The following CEP120 variants were observed in gnomAD, a reference collection of about 807,000 sequenced individuals.
CEP120 encodes centrosomal protein of 120 kDa.
CEP120 carries 113 observed loss-of-function variants against 126.5 expected under a neutral mutation model. That is an observed-to-expected ratio of 0.89 (90% CI 0.77 to 1.04). The LOEUF (loss-of-function observed/expected upper bound fraction) is 1.04. Ranked by LOEUF, CEP120 falls within the 50% of genes least tolerant of loss-of-function variation. CEP120 has a pLI of 0.00. For missense variants in CEP120, 1,230 were observed against 1,155.7 expected (o/e 1.06, Z -0.93); for synonymous variants, 400 against 394.3 (o/e 1.01, Z -0.17).
chr5:123,411,728 G>A (rs993427267), intron 4 of CEP120, among the ~76,000 whole-genome samples: 1 of 152,170 alleles, frequency 6.6e-6, no homozygotes, highest in African/African-American at 2.4e-5. Flanking sequence ...TGATTTTTAG[G>A]GTGGTGAAAC....
At chr5:123,355,544 G>A (rs1769534447) in intron 18 of CEP120, among the ~76,000 whole-genome samples, 1 of 152,176 alleles carries the variant, frequency 6.6e-6, no homozygotes, top group African/African-American at 2.4e-5. Flanking sequence ...CAGTGATGAT[G>A]AGCATTTTTT....
chr5:123,412,330 C>G (rs1774110604), intron 4 of CEP120, 69 bp downstream of exon 4: 1 of 1,491,140 alleles, frequency 6.7e-7, no homozygotes, highest in African/African-American at 1.4e-5. Flanking sequence ...CTATAACACT[C>G]CCGCTTCCTA....
chr5:123,416,626 AT>A (rs1580745119), intron 2 of CEP120, among the ~76,000 whole-genome samples: 1 of 152,050 alleles, frequency 6.6e-6, no homozygotes, highest in Admixed American at 6.6e-5. Flanking sequence ...ACTATTAATT[AT>A]ATCTACTAAC....
chr5:123,382,325 TAAAA>T (rs200376887), intron 13 of CEP120, 125 bp from the exon 14 acceptor site: 500 of 219,232 alleles, frequency 2.3e-3, no homozygotes, highest in Middle Eastern at 6.9e-3. Flanking sequence ...TTTTTTATTC[TAAAA>T]AAAAAAAAAA....
rs779532947 is a variant in CEP120 at position 123,418,532 on chromosome 5, T to C, written c.50-17A>G. The C allele has an allele frequency of 3.2e-6, 5 of 1,563,990 alleles. No homozygotes were observed. In the Admixed American group the frequency reaches 9.2e-5, roughly 29 times the overall value. On this transcript the variant is annotated splice_polypyrimidine_tract_variant and intron_variant, in intron 1 of 19. Coordinates refer to ENST00000306467, the MANE Select transcript of CEP120 (RefSeq NM_001375405.1). ...AATGCCGACCTGGAGAAACAGAATA[T>C]ATAGATTAATCAAAAGTGTACAAAA...
chr5:123,409,886 G>A (rs1450346669), intron 4 of CEP120, among the ~76,000 whole-genome samples: 1 of 151,126 alleles, frequency 6.6e-6, no homozygotes, highest in African/African-American at 2.4e-5. Flanking sequence ...GAACCTGGGA[G>A]TCGGGGCTGT....
At chr5:123,378,790 C>T (rs1238973602) in intron 14 of CEP120, among the ~76,000 whole-genome samples, 2 of 151,718 alleles carry the variant, frequency 1.3e-5, no homozygotes, top group Non-Finnish European at 2.9e-5. Flanking sequence ...ACTAAATAGC[C>T]AAGTGTGGAG....
chr5:123,386,059 G>A (rs1772000227), intron 10 of CEP120, among the ~76,000 whole-genome samples: 1 of 152,042 alleles, frequency 6.6e-6, no homozygotes, highest in African/African-American at 2.4e-5. Flanking sequence ...GTGTTTCGCA[G>A]ATCTCAGATT....
At position 123,389,958 on chromosome 5, in the gene CEP120, T is replaced by C; in HGVS notation, c.1221A>G (p.Leu407=). 6.2e-7 allele frequency: 1 copy of C among 1,614,200 alleles called. No homozygotes were observed. The highest frequency in any genetic ancestry group is 8.5e-7 in the Non-Finnish European group (1 of 1,180,010). Residue 407 remains leucine, a synonymous_variant, in exon 8 of 20, where the codon TTA becomes TTG. Coordinates refer to ENST00000306467, the MANE Select transcript of CEP120 (RefSeq NM_001375405.1). ...TTGGTTTGGTGTCCTTATCATACTG[T>C]AAACTTTCCACTTCACTTTCTGTTG... ...DDATESEVES[L]QYDKDTKPNP... is the part of the protein sequence containing the mutation.
At chr5:123,353,250 C>G (rs1561992214) in intron 18 of CEP120, among the ~76,000 whole-genome samples, 2 of 151,778 alleles carry the variant, frequency 1.3e-5, no homozygotes, top group Non-Finnish European at 3.0e-5. Flanking sequence ...TATGTAAAAA[C>G]TCTTTATTAG....
intron 18 of CEP120, among the ~76,000 whole-genome samples, chr5:123,357,631 G>A (rs998254798): frequency 2.6e-5 from 4 of 152,112 alleles, no homozygotes; most frequent in Admixed American, 6.6e-5. Context: ...GCATGGTGAC[G>A]TGCACCTGTA....
rs79102808 is a variant in CEP120 at position 123,382,638 on chromosome 5, A to G, written c.2013+99T>C. ...TGTTGACATTCAAAGAAGTTAGATA[A>G]GGTACCTACAGAACATAGAGATTAA... On this transcript the variant is annotated intron_variant, in intron 13 of 19. Coordinates refer to ENST00000306467, the MANE Select transcript of CEP120 (RefSeq NM_001375405.1). 6.6e-4 allele frequency: 693 copies of G among 1,054,252 alleles called. 2 individuals are homozygous for G. In the African/African-American group the frequency reaches 0.011, roughly 16 times the overall value. 65.3% of individuals were successfully genotyped at this position (1,054,252 alleles called of 1,614,324 possible).
At chr5:123,417,514 TA>T (rs1562099571) in intron 2 of CEP120, among the ~76,000 whole-genome samples, 1 of 152,096 alleles carries the variant, frequency 6.6e-6, no homozygotes, top group African/African-American at 2.4e-5. Context: ...TGTTTAAAAT[TA>T]AATATAAATT....
In CEP120 at chr5:123,378,403, C is replaced by T. The variant is rs1182650395; in HGVS notation, c.2129G>A (p.Gly710Glu). Residue 710 changes from glycine (G) to glutamate (E), a missense_variant, in exon 15 of 20, where the codon GGA becomes GAA. Coordinates refer to ENST00000306467, the MANE Select transcript of CEP120 (RefSeq NM_001375405.1). ...GTCAATTAGAGTTTTTTGAAGTTTT[C>T]CTTCTAGAATAGTATATTCAGCCAC... ...KKVAEYTILE[G>E]KLQKTLIDLE... 6.2e-7 allele frequency: 1 copy of T among 1,601,734 alleles called. No homozygotes were observed. The highest frequency in any genetic ancestry group is 1.4e-5 in the African/African-American group (1 of 73,692).
intron 19 of CEP120, among the ~76,000 whole-genome samples, chr5:123,346,971 C>T (rs1457870489): frequency 1.3e-5 from 2 of 152,008 alleles, no homozygotes; most frequent in African/African-American, 4.8e-5. Flanking sequence ...ATTACAAATA[C>T]ATGAAAACTA....
intron 4 of CEP120, among the ~76,000 whole-genome samples, chr5:123,407,389 A>C (rs1400666118): frequency 6.6e-6 from 1 of 152,194 alleles, no homozygotes; most frequent in Non-Finnish European, 1.5e-5. Context: ...ATATAAAAAC[A>C]AATATAGATT....
chr5:123,410,562 G>A (rs1773987620), intron 4 of CEP120, among the ~76,000 whole-genome samples: 1 of 152,168 alleles, frequency 6.6e-6, no homozygotes, highest in African/African-American at 2.4e-5. Context: ...TTTGACAAAG[G>A]AGCAAAGGCA....
upstream of CEP120, chr5:123,423,722 A>G (rs1447887128): frequency 6.6e-6 from 1 of 152,260 alleles, no homozygotes; most frequent in Non-Finnish European, 1.5e-5. Flanking sequence ...TAGTTGACGT[A>G]CCCAGTGTCA....
chr5:123,349,994 TG>T lies in CEP120; in HGVS notation c.2675del (p.Thr892LysfsTer2). ...ACAATTCTTGTCGCTCGGTTTTTACTGTATCTTTTTCCTCAGCGGCAAGGTA... is the reference window on the plus strand; with the variant it reads ...ACAATTCTTGTCGCTCGGTTTTTACTTATCTTTTTCCTCAGCGGCAAGGTA... Reference protein sequence around the residue: ...LRYLAAEEKDTVKTERQELLD... With the variant: ...LRYLAAEEKDXVKTERQELLD... On this transcript the variant is annotated frameshift_variant, in exon 19 of 20. Coordinates refer to ENST00000306467, the MANE Select transcript of CEP120 (RefSeq NM_001375405.1). LOFTEE classifies it high-confidence loss of function. 1 of 1,613,884 alleles carries T rather than the reference TG, an allele frequency of 6.2e-7. No homozygotes were observed. The highest frequency in any genetic ancestry group is 8.5e-7 in the Non-Finnish European group (1 of 1,179,868).
Sources: gnomAD v4.1 joint callset for allele counts (sites outside exome capture counted in the v4.1 genomes callset) on GRCh38, gnomAD v4.1.1 for gene constraint, MANE v1.5 for transcripts, NCBI Gene and HGNC (gene_info 2026-07-23, HGNC 2026-07-21) for gene names.